Variants in ANKH observed in about 807,000 individuals in gnomAD.
The protein encoded by ANKH is ANKH inorganic pyrophosphate transport regulator, also known as mineralization regulator ANKH.
Under a neutral mutation model 49.0 loss-of-function variants are expected in ANKH, and 15 were observed. That is an observed-to-expected ratio of 0.31 (90% CI 0.20 to 0.47). The LOEUF (loss-of-function observed/expected upper bound fraction) is 0.47, where lower values mean the gene tolerates loss of function less well. Ranked by LOEUF, ANKH falls within the 20% of genes least tolerant of loss-of-function variation. The pLI is 1.00. For missense variants in ANKH, 429 were observed against 652.0 expected (o/e 0.66, Z 3.72); for synonymous variants, 273 against 260.0 (o/e 1.05, Z -0.48).
chr5:14,777,980 CA>C (rs1350444891), intron 1 of ANKH, among the ~76,000 whole-genome samples: 1 of 152,180 alleles, frequency 6.6e-6, no homozygotes, highest in African/African-American at 2.4e-5. Context: ...AGGCCCTGGG[CA>C]AAAGCCCTGC....
intron 8 of ANKH, among the ~76,000 whole-genome samples, chr5:14,738,576 G>A (rs978427755): frequency 6.6e-6 from 1 of 152,266 alleles, no homozygotes; most frequent in Non-Finnish European, 1.5e-5. Context: ...CTGCTCTCAA[G>A]CGTTTCAATG....
rs1365864454 is a variant in ANKH at position 14,709,976 on chromosome 5, G to A, written c.*1221C>T. On this transcript the variant is annotated 3_prime_UTR_variant, in exon 12 of 12. Transcript: ENST00000284268. ...TCTGACTAAATCAATTTAGTGAACCGTGTCTATAATTTTTTTAAAGGAAAA... is the reference window on the plus strand; with the variant it reads ...TCTGACTAAATCAATTTAGTGAACCATGTCTATAATTTTTTTAAAGGAAAA... 2 of 152,076 alleles carry A rather than the reference G, an allele frequency of 1.3e-5. No homozygotes were observed. The highest frequency in any genetic ancestry group is 2.9e-5 in the Non-Finnish European group (2 of 68,022). 9.4% of individuals were successfully genotyped at this position (152,076 alleles called of 1,614,324 possible).
intron 1 of ANKH, chr5:14,798,384 G>T: frequency 6.3e-7 from 1 of 1,576,418 alleles, no homozygotes; most frequent in Non-Finnish European, 8.7e-7. Flanking sequence ...GTCAAAGGCT[G>T]CTTCCTTGTC....
chr5:14,862,770 A>G (rs749124278), intron 1 of ANKH, among the ~76,000 whole-genome samples: 1 of 152,230 alleles, frequency 6.6e-6, no homozygotes, highest in African/African-American at 2.4e-5. Context: ...ACCAGGATCT[A>G]AACAATTTGA....
At chr5:14,869,556 G>A (rs1386806123) in intron 1 of ANKH, 1 of 152,232 alleles carries the variant, frequency 6.6e-6, no homozygotes. Flanking sequence ...AATCAGGTTA[G>A]CAATGTTTTA....
chr5:14,776,765 G>A (rs1350520967), intron 1 of ANKH, among the ~76,000 whole-genome samples: 1 of 152,184 alleles, frequency 6.6e-6, no homozygotes, highest in African/African-American at 2.4e-5. Flanking sequence ...CATTCACCAG[G>A]GCAGAGGTTC....
chr5:14,832,481 T>A (rs1263570065), intron 1 of ANKH, among the ~76,000 whole-genome samples: 9 of 152,204 alleles, frequency 5.9e-5, no homozygotes, highest in African/African-American at 1.9e-4. Context: ...TTCATGGTCC[T>A]AAGGGTAGAG....
intron 1 of ANKH, among the ~76,000 whole-genome samples, chr5:14,824,015 G>A (rs1255544257): frequency 6.6e-6 from 1 of 152,096 alleles, no homozygotes; most frequent in Admixed American, 6.5e-5. Context: ...ACCCACTGTG[G>A]TATGTAAGAA....
At position 14,723,236 on chromosome 5, in the gene ANKH, G is replaced by T. The variant is rs180871629; in HGVS notation, c.1012-6401C>A. Among the ~76,000 whole-genome samples, 883 of 152,148 alleles carry T rather than the reference G, an allele frequency of 5.8e-3. 3 individuals are homozygous for T. The highest frequency in any genetic ancestry group is 0.02 in the African/African-American group (825 of 41,492). ...GTTTAGTTCACAGTCACACACCAGG[G>T]CTGGCTCCTCGGTTGTAACATGCGC... is the stretch of plus-strand genomic sequence containing the variant. On this transcript the variant is annotated intron_variant, in intron 8 of 11. Coordinates refer to ENST00000284268, the MANE Select transcript of ANKH (RefSeq NM_054027.6).
chr5:14,858,572 C>T (rs1735363809), intron 1 of ANKH, among the ~76,000 whole-genome samples: 1 of 151,896 alleles, frequency 6.6e-6, no homozygotes, highest in African/African-American at 2.4e-5. Flanking sequence ...AAAAATTAGC[C>T]AGGCATGGTG....
chr5:14,800,760 T>G (rs1011336886), intron 1 of ANKH, among the ~76,000 whole-genome samples: 3 of 150,370 alleles, frequency 2.0e-5, no homozygotes, highest in African/African-American at 7.4e-5. Flanking sequence ...AGGGTCTTGC[T>G]CCTTTGCCCA....
At chr5:14,712,155 C>A (rs1737239868) in intron 11 of ANKH, among the ~76,000 whole-genome samples, 1 of 152,262 alleles carries the variant, frequency 6.6e-6, no homozygotes, top group African/African-American at 2.4e-5. Flanking sequence ...CCACACCCCT[C>A]AGCTGCCATG....
chr5:14,856,381 G>A (rs184726207), intron 1 of ANKH, among the ~76,000 whole-genome samples: 2 of 152,242 alleles, frequency 1.3e-5, no homozygotes, highest in East Asian at 1.9e-4. Context: ...AGTCTGTTTG[G>A]TCCAGATCTC....
At chr5:14,800,031 T>A (rs1740522610) in intron 1 of ANKH, among the ~76,000 whole-genome samples, 1 of 152,142 alleles carries the variant, frequency 6.6e-6, no homozygotes, top group South Asian at 2.1e-4. Context: ...ACTATCCACA[T>A]TAACAGTCGT....
intron 8 of ANKH, among the ~76,000 whole-genome samples, chr5:14,734,376 C>G (rs1283151833): frequency 6.6e-6 from 1 of 152,206 alleles, no homozygotes; most frequent in Non-Finnish European, 1.5e-5. Flanking sequence ...GAACCCCTTC[C>G]CCTCCCTTGT....
intron 8 of ANKH, among the ~76,000 whole-genome samples, chr5:14,722,743 A>G (rs1225707853): frequency 1.3e-5 from 2 of 152,206 alleles, no homozygotes; most frequent in African/African-American, 4.8e-5. Flanking sequence ...ATAATTCATT[A>G]GCTGCTCCCC....
Position 14,745,842 on chromosome 5 carries a change from T to C in ANKH, c.915+28A>G, listed in dbSNP as rs1381334524. 1.2e-6 allele frequency: 2 copies of C among 1,607,134 alleles called. No homozygotes were observed. Among genetic ancestry groups the C allele is most frequent in the African/African-American group, 2.7e-5 (2 of 74,748 alleles). On this transcript the variant is annotated intron_variant, in intron 7 of 11. Transcript: ENST00000284268. This position sits in a 1 kb window ranked among gnomAD's most constrained non-coding sequence, Gnocchi z 4.7. The stretch of plus-strand genomic sequence containing the variant: ...CAAGAAGTCATTTCAAAAGCATGTT[T>C]CAGACACGACACCGCACGGGTTCTC...
intron 1 of ANKH, among the ~76,000 whole-genome samples, chr5:14,769,533 G>A (rs1739357909): frequency 6.6e-6 from 1 of 151,978 alleles, no homozygotes; most frequent in Admixed American, 6.6e-5. Flanking sequence ...TTGTTTGCAG[G>A]CTGAATTGAC....
intron 2 of ANKH, among the ~76,000 whole-genome samples, chr5:14,767,572 CCG>C (rs965437321): frequency 5.3e-5 from 8 of 151,744 alleles, no homozygotes; most frequent in Non-Finnish European, 8.8e-5. Flanking sequence ...CATTTTCTTC[CCG>C]ACAATTGCAA....
Sources: allele counts gnomAD v4.1 joint callset (sites outside exome capture counted in the v4.1 genomes callset), GRCh38; gene constraint gnomAD v4.1.1; non-coding constraint Gnocchi (gnomAD v3.1); transcripts MANE v1.5; gene names NCBI Gene and HGNC (gene_info 2026-07-23, HGNC 2026-07-21).